ACTN2: variants seen among roughly 807,000 people sequenced by gnomAD.
ACTN2 encodes actinin alpha 2.
In ACTN2, 39 loss-of-function variants were observed where a neutral mutation model predicts 113.8. That is an observed-to-expected ratio of 0.34 (90% CI 0.27 to 0.45). The LOEUF (loss-of-function observed/expected upper bound fraction) is 0.45. ACTN2 is among the 20% of genes least tolerant of loss of function. The pLI is 1.00. For synonymous variants in ACTN2, 429 were observed against 444.1 expected, an observed-to-expected ratio of 0.97 and a Z score of 0.43; for missense variants, 992 against 1,177.9, an observed-to-expected ratio of 0.84 and a Z score of 2.31.
chr1:236,752,948 A>G (rs954145510), intron 15 of ACTN2, among the ~76,000 whole-genome samples: 1 of 152,274 alleles, frequency 6.6e-6, no homozygotes, highest in Non-Finnish European at 1.5e-5. Context: ...AAAGACAATA[A>G]TAATGCTTTT....
At chr1:236,694,315 C>G (rs1657399458) in intron 1 of ACTN2, among the ~76,000 whole-genome samples, 1 of 151,752 alleles carries the variant, frequency 6.6e-6, no homozygotes, top group South Asian at 2.1e-4. Flanking sequence ...CTCCGCCTCC[C>G]AGGTTCAGGT....
At chr1:236,759,517 A>C (rs1189625349) in intron 18 of ACTN2, among the ~76,000 whole-genome samples, 2 of 151,302 alleles carry the variant, frequency 1.3e-5, no homozygotes, top group Non-Finnish European at 2.9e-5. Context: ...TCTGGTCTTT[A>C]CCCTCCTCTC....
chr1:236,716,518 T>G (rs1311036411), intron 1 of ACTN2, among the ~76,000 whole-genome samples: 4 of 152,232 alleles, frequency 2.6e-5, no homozygotes, highest in African/African-American at 9.6e-5. Flanking sequence ...TGGTCCATTT[T>G]CAGCCGAAGA....
At chr1:236,762,327 A>G (rs2102953417) in intron 20 of ACTN2, 134 bp from the exon 21 acceptor site, 5 of 1,204,314 alleles carry the variant, frequency 4.2e-6, no homozygotes, top group South Asian at 1.3e-5. Context: ...GTCTGGTACT[A>G]CTATGCCAAT....
At position 236,763,458 on chromosome 1, in the gene ACTN2, A is replaced by G. The variant is rs1182904260; in HGVS notation, c.*839A>G. The stretch of plus-strand genomic sequence containing the variant: ...ACAGGTTCTCAAGAGATGACCACAT[A>G]AAAGTGCTCTGTTTATAAATAAGCA... On this transcript the variant is annotated 3_prime_UTR_variant, in exon 21 of 21. Transcript: ENST00000366578. The G allele has an allele frequency of 6.6e-6, 1 of 152,294 alleles. No homozygotes were observed. The highest frequency in any genetic ancestry group is 1.5e-5 in the Non-Finnish European group (1 of 68,128). 9.4% of individuals were successfully genotyped at this position (152,294 alleles called of 1,614,324 possible). A position where few individuals can be genotyped will look rare whatever the true frequency, so the allele number is the denominator to read the frequency against.
In ACTN2 at chr1:236,762,630, C is replaced by T. The variant is rs1572153671; in HGVS notation, c.*11C>T. ...GAGAGCGATCTGTGATGCTGAGCTT[C>T]TGTAATCACTCATCCCATCAGAATG... On this transcript the variant is annotated 3_prime_UTR_variant, in exon 21 of 21. Coordinates refer to ENST00000366578, the MANE Select transcript of ACTN2 (RefSeq NM_001103.4). 2 of 1,613,286 alleles carry T rather than the reference C, an allele frequency of 1.2e-6. No individual in the cohort carries two copies. The highest frequency in any genetic ancestry group is 1.7e-6 in the Non-Finnish European group (2 of 1,179,686).
chr1:236,709,517 G>A (rs1399966298), intron 1 of ACTN2, among the ~76,000 whole-genome samples: 1 of 151,364 alleles, frequency 6.6e-6, no homozygotes, highest in Admixed American at 6.6e-5. Flanking sequence ...CCCCATCTCG[G>A]GGACCACTGC....
At position 236,742,929 on chromosome 1, in the gene ACTN2, G is replaced by C; in HGVS notation, c.1141G>C (p.Ala381Pro). The C allele has an allele frequency of 6.2e-7, 1 of 1,614,216 alleles. No homozygotes were observed. Residue 381 changes from alanine to proline, a missense_variant, in exon 11 of 21, where the codon GCT (alanine) becomes CCT (proline). By Grantham distance (27) the Ala-to-Pro change is conservative. This residue lies in a region of ACTN2 where 736 missense variants were observed against 815.4 expected (regional missense o/e 0.90). Transcript: ENST00000366578. ...IAGAWQRLEQAEKGYEEWLLN... is the reference protein window; with the variant it reads ...IAGAWQRLEQPEKGYEEWLLN... The stretch of plus-strand genomic sequence containing the variant: ...TGGTGCCTGGCAGAGGCTGGAGCAG[G>C]CTGAGAAGGGTTACGAGGAGTGGTT...
intron 1 of ACTN2, among the ~76,000 whole-genome samples, chr1:236,709,251 TATATACAC>T (rs1329786005): frequency 3.3e-5 from 2 of 59,760 alleles, no homozygotes; most frequent in African/African-American, 9.8e-5. Context: ...TATATATATA[TATATACAC>T]ACACACACAC....
At chr1:236,751,949 G>A (rs975845295) in intron 15 of ACTN2, among the ~76,000 whole-genome samples, 1 of 152,134 alleles carries the variant, frequency 6.6e-6, no homozygotes, top group African/African-American at 2.4e-5. Context: ...GGTTTTTAAA[G>A]CCCCAACTGG....
chr1:236,752,114 T>A (rs564497825), intron 15 of ACTN2, among the ~76,000 whole-genome samples: 20 of 152,342 alleles, frequency 1.3e-4, no homozygotes, highest in African/African-American at 3.6e-4. Context: ...TCTTACTAAC[T>A]TGCAGCCTTT....
chr1:236,687,121 G>A (rs2102852001), intron 1 of ACTN2, among the ~76,000 whole-genome samples: 1 of 152,162 alleles, frequency 6.6e-6, no homozygotes, highest in African/African-American at 2.4e-5. Context: ...CTGTGACCTT[G>A]GCCCCCGAGT....
rs200003968 is a variant in ACTN2, at chr1:236,686,631, C to G, written c.-43C>G. ...CCGTTTGCCAGTCAGCCCGTGCGTC[C>G]GAGCCCCTCGCGCCCCGCCGCAGCC... On this transcript the variant is annotated 5_prime_UTR_variant, in exon 1 of 21. Coordinates refer to ENST00000366578, the MANE Select transcript of ACTN2 (RefSeq NM_001103.4). 2.7e-4 allele frequency: 408 copies of G among 1,529,706 alleles called. 7 individuals carry two copies. The South Asian group carries it at 4.0e-3, about 15-fold the overall frequency. The allele number at this position is 1,529,706 out of a possible 1,614,324, so 94.8% of individuals were successfully genotyped here. A position where few individuals can be genotyped will look rare whatever the true frequency, so the allele number is the denominator to read the frequency against.
chr1:236,724,896 A>G (rs1486962906), intron 4 of ACTN2, among the ~76,000 whole-genome samples: 3 of 149,396 alleles, frequency 2.0e-5, no homozygotes, highest in Non-Finnish European at 4.4e-5. Flanking sequence ...GAAATTTACC[A>G]ATAAAACCCT....
chr1:236,709,236 A>G (rs1343519947), intron 1 of ACTN2, among the ~76,000 whole-genome samples: 1 of 81,430 alleles, frequency 1.2e-5, no homozygotes, highest in African/African-American at 3.7e-5. Flanking sequence ...ATATATATAT[A>G]TATATATATA....
At position 236,755,129 on chromosome 1, in the gene ACTN2, G is replaced by A. The variant is rs769671045; in HGVS notation, c.2085G>A (p.Leu695=). The A allele has an allele frequency of 5.6e-6, 9 of 1,614,076 alleles. No individual in the cohort carries two copies. Among genetic ancestry groups the A allele is most frequent in the Non-Finnish European group, 7.6e-6 (9 of 1,180,052 alleles). ...IINYKNNIDK[L]EGDHQLIQEA... is the part of the protein sequence containing the mutation. Reference sequence around the variant, plus strand: ...ACTATAAGAACAACATCGACAAGCTGGAGGGAGACCATCAGCTCATCCAGG... The same window carrying A: ...ACTATAAGAACAACATCGACAAGCTAGAGGGAGACCATCAGCTCATCCAGG... Residue 695 remains leucine (L), a synonymous_variant, in exon 17 of 21, where the codon CTG becomes CTA. Coordinates refer to ENST00000366578, the MANE Select transcript of ACTN2 (RefSeq NM_001103.4).
At chr1:236,721,313 T>C (rs992128276) in intron 4 of ACTN2, among the ~76,000 whole-genome samples, 1 of 151,830 alleles carries the variant, frequency 6.6e-6, no homozygotes, top group African/African-American at 2.4e-5. Flanking sequence ...GGCATGAGAC[T>C]CTGGTCTTTT....
rs952234966 is a variant in ACTN2 at position 236,754,639 on chromosome 1, G to A, written c.1975-380G>A. 5.9e-5 allele frequency among the ~76,000 whole-genome samples: 9 copies of A among 152,128 alleles called. No individual in the cohort carries two copies. The highest frequency in any genetic ancestry group is 1.9e-4 in the East Asian group (1 of 5,184). Reference sequence around the variant, plus strand: ...GAAATTCTGATGGAGGAAGCATCCCGTGGGTCTTCAATCTGTCTGGCAGCT... The same window carrying A: ...GAAATTCTGATGGAGGAAGCATCCCATGGGTCTTCAATCTGTCTGGCAGCT... On this transcript the variant is annotated intron_variant, in intron 16 of 20. Coordinates refer to ENST00000366578, the MANE Select transcript of ACTN2 (RefSeq NM_001103.4). The surrounding 1 kb of genome is among the most constrained non-coding windows in gnomAD (Gnocchi z 4.9).
chr1:236,753,992 C>G lies in ACTN2; in HGVS notation c.1885C>G (p.Leu629Val). Residue 629 changes from leucine to valine, a missense_variant, in exon 16 of 21, where the codon CTG becomes GTG. By Grantham distance (32) the Leu-to-Val change is conservative. Transcript: ENST00000366578. ...CCGCGATCAATCCCTGCAGGAGGAG[C>G]TGGCTCGCCAGCATGCTAACGAGCG... ...PIRDQSLQEE[L>V]ARQHANERLR... 6.2e-7 allele frequency: 1 copy of G among 1,614,206 alleles called. No homozygotes were observed. The highest frequency in any genetic ancestry group is 8.5e-7 in the Non-Finnish European group (1 of 1,180,048).
Sources: gnomAD v4.1 joint callset for allele counts (sites outside exome capture counted in the v4.1 genomes callset) on GRCh38, gnomAD v4.1.1 for gene constraint, gnomAD v4.1.1 regional missense constraint, Gnocchi (gnomAD v3.1) non-coding constraint, MANE v1.5 for transcripts, NCBI Gene and HGNC (gene_info 2026-07-23, HGNC 2026-07-21) for gene names.